PCDHGA8: variants seen among roughly 807,000 people sequenced by gnomAD.
The protein encoded by PCDHGA8 is protocadherin gamma subfamily A, 8.
PCDHGA8 carries 45 observed loss-of-function variants against 59.2 expected under a neutral mutation model. The ratio of observed to expected loss-of-function variants is 0.76; its 90% CI spans 0.60 to 0.98. The LOEUF (loss-of-function observed/expected upper bound fraction) is 0.98, where lower values mean the gene tolerates loss of function less well. PCDHGA8 is among the 50% of genes least tolerant of loss of function. The probability of loss-of-function intolerance (pLI) is 0.00; values close to 1 mark genes in which losing one functional copy is unlikely to be tolerated. For synonymous variants in PCDHGA8, 531 were observed against 519.0 expected, an observed-to-expected ratio of 1.02 and a Z score of -0.32; for missense variants, 1,257 against 1,196.2, an observed-to-expected ratio of 1.05 and a Z score of -0.75.
Position 141,487,399 on chromosome 5 carries a change from G to A in PCDHGA8, c.2425-7408G>A. 1.2e-6 allele frequency: 2 copies of A among 1,614,140 alleles called. No homozygotes were observed. Among genetic ancestry groups the A allele is most frequent in the South Asian group, 1.1e-5 (1 of 91,088 alleles). On this transcript the variant is annotated intron_variant, in intron 1 of 3. Coordinates refer to ENST00000398604, the MANE Select transcript of PCDHGA8 (RefSeq NM_032088.2). The surrounding 1 kb of genome is among the most constrained non-coding windows in gnomAD (Gnocchi z 5.0). ...TCACCAGATCTCGAAGGAGGGAGGGGCTTCCCCCTTCCAATGGGATCCTCC... is the reference window on the plus strand; with the variant it reads ...TCACCAGATCTCGAAGGAGGGAGGGACTTCCCCCTTCCAATGGGATCCTCC...
Position 141,453,270 on chromosome 5 carries a change from T to C in PCDHGA8, c.2425-41537T>C, listed in dbSNP as rs1592250907. 4.6e-5 allele frequency among the ~76,000 whole-genome samples: 7 copies of C among 152,146 alleles called. No homozygotes were observed. In the South Asian group the frequency reaches 1.5e-3, roughly 32 times the overall value. On this transcript the variant is annotated intron_variant, in intron 1 of 3. Transcript: ENST00000398604. The stretch of plus-strand genomic sequence containing the variant: ...CTGGGGCTGCAAGTGCACACCACCA[T>C]GACTGGCTAATTTTTTAATTATTTA...
intron 1 of PCDHGA8, among the ~76,000 whole-genome samples, chr5:141,462,574 C>T (rs1308899602): frequency 2.0e-5 from 3 of 152,036 alleles, no homozygotes; most frequent in Non-Finnish European, 4.4e-5. Context: ...TTGCTAATCC[C>T]ATCCAGTGAA....
chr5:141,435,519 T>C (rs2097768121), intron 1 of PCDHGA8, among the ~76,000 whole-genome samples: 2 of 152,192 alleles, frequency 1.3e-5, no homozygotes, highest in South Asian at 4.1e-4. Context: ...ATGATGACTT[T>C]GTGGAATATT....
intron 1 of PCDHGA8, among the ~76,000 whole-genome samples, chr5:141,448,043 G>A (rs1000669754): frequency 3.3e-5 from 5 of 151,870 alleles, no homozygotes; most frequent in African/African-American, 1.2e-4. Context: ...CCAAGATCAT[G>A]CCATTGCTCT....
intron 1 of PCDHGA8, chr5:141,413,021 C>A: frequency 2.8e-6 from 2 of 714,374 alleles, no homozygotes; most frequent in Non-Finnish European, 4.4e-6. Context: ...TACACAAGCC[C>A]CACAAACCGG....
chr5:141,467,788 A>G (rs2099151778), intron 1 of PCDHGA8, among the ~76,000 whole-genome samples: 1 of 152,020 alleles, frequency 6.6e-6, no homozygotes. Flanking sequence ...CCTCTCAAGT[A>G]GCTGGGACTA....
At chr5:141,404,614 C>T in intron 1 of PCDHGA8, 5 of 1,614,078 alleles carry the variant, frequency 3.1e-6, no homozygotes, top group Non-Finnish European at 4.2e-6. Context: ...TTGTTTTGGA[C>T]CAGAATGACA....
At position 141,485,260 on chromosome 5, in the gene PCDHGA8, G is replaced by A. The variant is rs773919574; in HGVS notation, c.2425-9547G>A. On this transcript the variant is annotated intron_variant, in intron 1 of 3. Transcript: ENST00000398604. This position sits in a 1 kb window ranked among gnomAD's most constrained non-coding sequence, Gnocchi z 5.7. ...TTTACCACCTGGGTTACGTTTGTGG[G>A]CAGATCCGCTACCCGGTCCCAGAGG... The A allele has an allele frequency of 8.7e-6, 14 of 1,614,002 alleles. No individual in the cohort carries two copies. In the African/African-American group the frequency reaches 1.5e-4, roughly 17 times the overall value.
chr5:141,399,775 G>A, intron 1 of PCDHGA8: 2 of 1,613,282 alleles, frequency 1.2e-6, no homozygotes, highest in Non-Finnish European at 1.7e-6. Flanking sequence ...GTTGGTGGGC[G>A]ACCGAAACGA....
chr5:141,399,387 CACAG>C, intron 1 of PCDHGA8: 4 of 1,614,028 alleles, frequency 2.5e-6, no homozygotes, highest in Non-Finnish European at 2.5e-6. Context: ...CCATCACAGC[CACAG>C]ACAGGGGCAA....
intron 2 of PCDHGA8, among the ~76,000 whole-genome samples, chr5:141,496,008 C>CT (rs1468405718): frequency 2.0e-5 from 3 of 151,956 alleles, no homozygotes; most frequent in Non-Finnish European, 4.4e-5. Flanking sequence ...TTTATCTTGT[C>CT]TTTTTTCTCT....
chr5:141,415,026 G>T, intron 1 of PCDHGA8: 2 of 1,613,590 alleles, frequency 1.2e-6, no homozygotes, highest in Non-Finnish European at 1.7e-6. Context: ...AGGCCAGCGA[G>T]CCGGGACTCT....
intron 1 of PCDHGA8, chr5:141,424,527 A>G (rs1164206187): frequency 1.3e-5 from 2 of 152,214 alleles, no homozygotes; most frequent in African/African-American, 2.4e-5. Flanking sequence ...GTAAATCCAT[A>G]TATAGAAATA....
intron 2 of PCDHGA8, among the ~76,000 whole-genome samples, chr5:141,498,411 C>T (rs747823234): frequency 2.0e-5 from 3 of 152,158 alleles, no homozygotes; most frequent in Non-Finnish European, 4.4e-5. Context: ...TTTCTCTTTG[C>T]TGGCACTGGA....
intron 1 of PCDHGA8, among the ~76,000 whole-genome samples, chr5:141,457,975 C>T (rs2098934043): frequency 6.6e-6 from 1 of 152,202 alleles, no homozygotes; most frequent in South Asian, 2.1e-4. Context: ...AAGGGAAACA[C>T]ACCCTTTCAG....
At position 141,477,271 on chromosome 5, in the gene PCDHGA8, G is replaced by T; in HGVS notation, c.2425-17536G>T. On this transcript the variant is annotated intron_variant, in intron 1 of 3. Transcript: ENST00000398604. The surrounding 1 kb of genome is among the most constrained non-coding windows in gnomAD (Gnocchi z 4.9). ...CTGACCTGGATGCTGGCGAGAACGG[G>T]CTGGTGACCTGCGAAGTTCCACCGG... The T allele has an allele frequency of 1.2e-6, 2 of 1,614,212 alleles. No homozygotes were observed. The highest frequency in any genetic ancestry group is 1.7e-6 in the Non-Finnish European group (2 of 1,180,044).
chr5:141,475,547 G>A (rs2099364977), intron 1 of PCDHGA8, among the ~76,000 whole-genome samples: 1 of 152,176 alleles, frequency 6.6e-6, no homozygotes, highest in Non-Finnish European at 1.5e-5. Context: ...AGTAGGGTCC[G>A]GCTAATTGTC....
At chr5:141,466,027 CAGG>C (rs1174989171) in intron 1 of PCDHGA8, among the ~76,000 whole-genome samples, 1 of 151,890 alleles carries the variant, frequency 6.6e-6, no homozygotes, top group African/African-American at 2.4e-5. Context: ...GAGGGTGAGG[CAGG>C]AGAACGGCAT....
Position 141,399,689 on chromosome 5 carries a change from T to C in PCDHGA8, c.2424+4452T>C, listed in dbSNP as rs199516491. 502 of 1,613,550 alleles carry C rather than the reference T, an allele frequency of 3.1e-4. 1 individual carries two copies. Among genetic ancestry groups the C allele is most frequent in the Non-Finnish European group, 3.8e-4 (448 of 1,179,874 alleles). On this transcript the variant is annotated intron_variant, in intron 1 of 3. Transcript: ENST00000398604. ...CAGCGCGCCTTTGACTACGAGCAGC[T>C]GCGCACCTTCGAACTCACACTACAG...
Sources: gnomAD v4.1 joint callset for allele counts (sites outside exome capture counted in the v4.1 genomes callset) on GRCh38, gnomAD v4.1.1 for gene constraint, Gnocchi (gnomAD v3.1) non-coding constraint, MANE v1.5 for transcripts, NCBI Gene and HGNC (gene_info 2026-07-23, HGNC 2026-07-21) for gene names.